The following PTPRN2 variants were observed in gnomAD, a reference collection of about 807,000 sequenced individuals.
PTPRN2 encodes receptor-type tyrosine-protein phosphatase N2.
In PTPRN2, 74 loss-of-function variants were observed where a neutral mutation model predicts 118.8. That is an observed-to-expected ratio of 0.62 (90% CI 0.52 to 0.76). PTPRN2 has a LOEUF of 0.76. Ranked by LOEUF, PTPRN2 falls within the 30% of genes least tolerant of loss-of-function variation. PTPRN2 has a pLI of 0.00. For synonymous variants in PTPRN2, 641 were observed against 608.0 expected, an observed-to-expected ratio of 1.05 and a Z score of -0.80; for missense variants, 1,481 against 1,394.4, an observed-to-expected ratio of 1.06 and a Z score of -0.99.
chr7:157,559,491 T>C (rs1304101233), intron 21 of PTPRN2, among the ~76,000 whole-genome samples: 21 of 151,460 alleles, frequency 1.4e-4, no homozygotes, highest in Admixed American at 6.6e-5. Flanking sequence ...GCAGAGGAGA[T>C]GGAGGGGGGA....
rs1585124590 is a variant in PTPRN2 at position 157,621,130 on chromosome 7, G to A, written c.2344+232C>T. Among the ~76,000 whole-genome samples the A allele has an allele frequency of 2.4e-5, 3 of 127,600 alleles. 1 individual carries two copies. Among genetic ancestry groups the A allele is most frequent in the Non-Finnish European group, 5.4e-5 (3 of 55,956 alleles). 83.7% of individuals were successfully genotyped at this position (127,600 alleles called of 152,430 possible). A position where few individuals can be genotyped will look rare whatever the true frequency, so the allele number is the denominator to read the frequency against. On this transcript the variant is annotated intron_variant, in intron 15 of 22. Coordinates refer to ENST00000389418, the MANE Select transcript of PTPRN2 (RefSeq NM_002847.5). ...TCAGCACGGCCAGTTTCCCCCTCCT[G>A]TAACCCAGTCCTCCCGCCCCCGGTG...
At chr7:157,570,605 T>C (rs1799709670) in intron 20 of PTPRN2, among the ~76,000 whole-genome samples, 1 of 152,354 alleles carries the variant, frequency 6.6e-6, no homozygotes, top group East Asian at 1.9e-4. Context: ...GAGTTTTCTT[T>C]GCGTAAAATC....
intron 11 of PTPRN2, among the ~76,000 whole-genome samples, chr7:157,973,147 C>T (rs561085106): frequency 2.0e-5 from 3 of 152,172 alleles, no homozygotes; most frequent in Non-Finnish European, 4.4e-5. Context: ...CAGGAGAGGC[C>T]CCATGAGATG....
intron 3 of PTPRN2, among the ~76,000 whole-genome samples, chr7:158,279,656 C>T (rs543219431): frequency 1.1e-4 from 16 of 152,290 alleles, no homozygotes; most frequent in Middle Eastern, 3.4e-3. Flanking sequence ...CGTGCCCACC[C>T]GGAACCTGCG....
intron 11 of PTPRN2, among the ~76,000 whole-genome samples, chr7:157,943,239 C>G (rs1800257171): frequency 2.0e-5 from 3 of 152,206 alleles, no homozygotes; most frequent in Non-Finnish European, 4.4e-5. Context: ...CAGAATCTCA[C>G]CAGAGGATAA....
At chr7:158,085,208 G>A (rs1242604839) in intron 10 of PTPRN2, among the ~76,000 whole-genome samples, 12 of 97,476 alleles carry the variant, frequency 1.2e-4, no homozygotes, top group South Asian at 3.7e-4. Flanking sequence ...CACCCTTGAC[G>A]CCCATCCACA....
rs181462131 is a variant in PTPRN2 at position 157,903,272 on chromosome 7, G to C, written c.1724-4535C>G. ...GACACGTAAGAGGGAATGTGAGAGG[G>C]AATGTGAGAGGGAGGTGGGAGAAAA... is the stretch of plus-strand genomic sequence containing the variant. On this transcript the variant is annotated intron_variant, in intron 11 of 22. Transcript: ENST00000389418. This position sits in a 1 kb window ranked among gnomAD's most constrained non-coding sequence, Gnocchi z 4.2. Among the ~76,000 whole-genome samples, 2,342 of 152,228 alleles carry C rather than the reference G, an allele frequency of 0.015. 55 individuals are homozygous for C. Among genetic ancestry groups the C allele is most frequent in the African/African-American group, 0.054 (2,238 of 41,498 alleles).
In PTPRN2 at chr7:158,175,069, CCT is replaced by C. The variant is rs548240265; in HGVS notation, c.550-7780_550-7779del. ...CGGGAGACTCTGGGTGGAGGAGACT[CCT>C]GTGTGTGCACTGGTCTCTGCCCATG... On this transcript the variant is annotated intron_variant, in intron 5 of 22. Transcript: ENST00000389418. Among the ~76,000 whole-genome samples the C allele has an allele frequency of 1.6e-3, 238 of 152,332 alleles. 2 individuals carry two copies. The highest frequency in any genetic ancestry group is 4.9e-3 in the African/African-American group (205 of 41,574).
chr7:158,071,226 CGTG>C (rs1396845798), intron 11 of PTPRN2, among the ~76,000 whole-genome samples: 2 of 51,138 alleles, frequency 3.9e-5, no homozygotes, highest in Non-Finnish European at 3.8e-5. Flanking sequence ...TGGAGGTGCC[CGTG>C]GTGGTGGAGG....
intron 4 of PTPRN2, among the ~76,000 whole-genome samples, chr7:158,201,694 T>C (rs532877089): frequency 6.6e-6 from 1 of 152,302 alleles, no homozygotes; most frequent in East Asian, 1.9e-4. Flanking sequence ...TAAAACTTGG[T>C]CTCCACAATC....
chr7:157,575,622 T>C (rs1424966487), intron 19 of PTPRN2, among the ~76,000 whole-genome samples: 1 of 152,224 alleles, frequency 6.6e-6, no homozygotes, highest in African/African-American at 2.4e-5. Context: ...AATTCAAGAA[T>C]TCCACAGAGA....
At chr7:158,367,594 C>T (rs1055838433) in intron 2 of PTPRN2, among the ~76,000 whole-genome samples, 6 of 152,130 alleles carry the variant, frequency 3.9e-5, no homozygotes, top group African/African-American at 4.8e-5. Context: ...TCTCCGCGGG[C>T]GAAGGATGAC....
intron 6 of PTPRN2, among the ~76,000 whole-genome samples, chr7:158,144,727 C>A (rs947063500): frequency 6.6e-6 from 1 of 152,226 alleles, no homozygotes; most frequent in African/African-American, 2.4e-5. Flanking sequence ...GCGCTTCTCC[C>A]ACCACCCCGA....
rs1814418105 is a variant in PTPRN2 at position 158,093,934 on chromosome 7, T to C, written c.1644-12557A>G. ...ATGAAAACATAATTATTAATGATGCTTTATTTTCTTAAAGCATTGAGCAAC... is the reference window on the plus strand; with the variant it reads ...ATGAAAACATAATTATTAATGATGCCTTATTTTCTTAAAGCATTGAGCAAC... On this transcript the variant is annotated intron_variant, in intron 10 of 22. Transcript: ENST00000389418. This position sits in a 1 kb window ranked among gnomAD's most constrained non-coding sequence, Gnocchi z 4.4. Among the ~76,000 whole-genome samples the C allele has an allele frequency of 6.6e-6, 1 of 152,252 alleles. No homozygotes were observed. The highest frequency in any genetic ancestry group is 2.4e-5 in the African/African-American group (1 of 41,472).
intron 12 of PTPRN2, among the ~76,000 whole-genome samples, chr7:157,786,704 T>C (rs941523577): frequency 6.6e-6 from 1 of 152,232 alleles, no homozygotes; most frequent in African/African-American, 2.4e-5. Flanking sequence ...CTCATTGCAA[T>C]GTGTTTGGAA....
At chr7:158,137,193 C>T (rs766153741) in intron 7 of PTPRN2, among the ~76,000 whole-genome samples, 7 of 152,018 alleles carry the variant, frequency 4.6e-5, no homozygotes, top group Non-Finnish European at 7.4e-5. Context: ...CCAAGGTGGG[C>T]GGATCATGAG....
At position 157,576,784 on chromosome 7, in the gene PTPRN2, C is replaced by CAGGGAGGAGCGG. The variant is rs1175965150; in HGVS notation, c.2617-17_2617-6dup. On this transcript the variant is annotated splice_polypyrimidine_tract_variant and splice_region_variant and intron_variant, in intron 18 of 22. Transcript: ENST00000389418. Reference sequence around the variant, plus strand: ...GTGCTCGGAGACCAGGTTCACCTGGCAGGGAGGAGCGGAGGGAGGGGACAG... The same window carrying CAGGGAGGAGCGG: ...GTGCTCGGAGACCAGGTTCACCTGGCAGGGAGGAGCGGAGGGAGGAGCGGAGGGAGGGGACAG... 36 of 1,593,822 alleles carry CAGGGAGGAGCGG rather than the reference C, an allele frequency of 2.3e-5. 1 individual carries two copies. In the East Asian group the frequency reaches 8.2e-4, roughly 36 times the overall value.
chr7:158,141,473 G>A (rs2150470721), intron 6 of PTPRN2, among the ~76,000 whole-genome samples: 1 of 152,314 alleles, frequency 6.6e-6, no homozygotes, highest in East Asian at 1.9e-4. Flanking sequence ...TCAGTGTCTG[G>A]GGCCGCCTAG....
At chr7:158,527,843 C>G (rs1462978429) in intron 1 of PTPRN2, among the ~76,000 whole-genome samples, 1 of 152,218 alleles carries the variant, frequency 6.6e-6, no homozygotes, top group African/African-American at 2.4e-5. Flanking sequence ...ATCCCAGATT[C>G]ATCAGCACCA....
Sources: allele counts gnomAD v4.1 joint callset (sites outside exome capture counted in the v4.1 genomes callset), GRCh38; gene constraint gnomAD v4.1.1; non-coding constraint Gnocchi (gnomAD v3.1); transcripts MANE v1.5; gene names NCBI Gene and HGNC (gene_info 2026-07-23, HGNC 2026-07-21).